Variants in DPYD observed in about 807,000 individuals in gnomAD.
DPYD encodes the protein dihydropyrimidine dehydrogenase.
DPYD carries 109 observed loss-of-function variants against 116.2 expected under a neutral mutation model. The ratio of observed to expected loss-of-function variants is 0.94; its 90% CI spans 0.80 to 1.10. DPYD has a LOEUF of 1.10. Among genes scored for constraint, DPYD ranks in the 50% least tolerant of loss-of-function variants. The pLI is 0.00. For synonymous variants in DPYD, 440 were observed against 432.0 expected, an observed-to-expected ratio of 1.02 and a Z score of -0.23; for missense variants, 1,302 against 1,254.5, an observed-to-expected ratio of 1.04 and a Z score of -0.57.
At chr1:97,406,965 T>G (rs953030671) in intron 14 of DPYD, among the ~76,000 whole-genome samples, 4 of 152,172 alleles carry the variant, frequency 2.6e-5, no homozygotes, top group African/African-American at 7.2e-5. Flanking sequence ...CATGATATAG[T>G]ACCTGCAAGG....
At chr1:97,724,953 A>AGAGAGAG (rs1663152036) in intron 4 of DPYD, among the ~76,000 whole-genome samples, 1 of 118,826 alleles carries the variant, frequency 8.4e-6, no homozygotes, top group Non-Finnish European at 1.7e-5. Flanking sequence ...GAGGGAAGGA[A>AGAGAGAG]AGAGAGAGAG....
At chr1:97,419,628 G>A (rs758329809) in intron 14 of DPYD, among the ~76,000 whole-genome samples, 4 of 152,058 alleles carry the variant, frequency 2.6e-5, no homozygotes, top group African/African-American at 7.2e-5. Context: ...TTCCACATAT[G>A]TGAACACTAT....
chr1:97,675,675 G>A (rs1188440257), intron 8 of DPYD, among the ~76,000 whole-genome samples: 6 of 151,824 alleles, frequency 4.0e-5, no homozygotes, highest in East Asian at 1.9e-4. Context: ...ACAATCTAAC[G>A]TAGAATAAGA....
chr1:97,150,689 G>A (rs1654948869), intron 20 of DPYD, among the ~76,000 whole-genome samples: 1 of 152,142 alleles, frequency 6.6e-6, no homozygotes, highest in African/African-American at 2.4e-5. Context: ...CTGCTTTCAT[G>A]ACTTCTGGAT....
intron 6 of DPYD, among the ~76,000 whole-genome samples, chr1:97,695,926 T>C (rs1337486985): frequency 6.6e-6 from 1 of 151,760 alleles, no homozygotes; most frequent in East Asian, 1.9e-4. Flanking sequence ...GGTCAGGAGT[T>C]CAAAACCAGC....
At chr1:97,890,589 A>AG (rs1455690329) in intron 1 of DPYD, among the ~76,000 whole-genome samples, 2 of 152,062 alleles carry the variant, frequency 1.3e-5, no homozygotes, top group East Asian at 3.9e-4. Flanking sequence ...TCATGCTTAT[A>AG]GAAAAAAAGT....
At chr1:97,393,535 C>A (rs12119381) in intron 14 of DPYD, among the ~76,000 whole-genome samples, 219 of 151,636 alleles carry the variant, frequency 1.4e-3, no homozygotes, top group African/African-American at 5.0e-3. Flanking sequence ...TGAGTGAGAA[C>A]ATGCGGTGTT....
intron 21 of DPYD, among the ~76,000 whole-genome samples, chr1:97,096,941 C>T (rs1041273552): frequency 1.3e-5 from 2 of 152,074 alleles, no homozygotes; most frequent in Non-Finnish European, 2.9e-5. Context: ...GCTTCATTCT[C>T]GAAGTCAGCG....
At chr1:97,173,498 A>G (rs1657021574) in intron 20 of DPYD, among the ~76,000 whole-genome samples, 1 of 150,726 alleles carries the variant, frequency 6.6e-6, no homozygotes, top group East Asian at 1.9e-4. Flanking sequence ...ACACGCATAT[A>G]TAAAATACAC....
At chr1:97,688,598 C>T (rs917125807) in intron 7 of DPYD, among the ~76,000 whole-genome samples, 1 of 151,852 alleles carries the variant, frequency 6.6e-6, no homozygotes, top group Non-Finnish European at 1.5e-5. Flanking sequence ...TAATAAAATG[C>T]TTAGAAGTTT....
At chr1:97,664,577 A>G (rs187530756) in intron 8 of DPYD, among the ~76,000 whole-genome samples, 50 of 152,150 alleles carry the variant, frequency 3.3e-4, no homozygotes, top group Non-Finnish European at 5.3e-4. Context: ...TTGGGTATAA[A>G]AACTATAAGT....
chr1:97,632,079 G>A lies in DPYD; in HGVS notation c.851-36913C>T, dbSNP rs536666574. ...TTACTAATATAACAGGGACTGAAAT[G>A]AAAAGAGCTGGCAATGCATTTTCCC... On this transcript the variant is annotated intron_variant, in intron 8 of 22. Transcript: ENST00000370192. Among the ~76,000 whole-genome samples, 10 of 152,160 alleles carry A rather than the reference G, an allele frequency of 6.6e-5. No individual in the cohort carries two copies. The East Asian group carries it at 9.7e-4, about 15-fold the overall frequency.
At chr1:97,218,873 G>A (rs961862227) in intron 19 of DPYD, among the ~76,000 whole-genome samples, 3 of 152,122 alleles carry the variant, frequency 2.0e-5, no homozygotes, top group African/African-American at 7.2e-5. Flanking sequence ...ATAAACATGA[G>A]TGTAGGTGTT....
intron 12 of DPYD, chr1:97,546,326 A>G (rs2102071401): frequency 7.0e-7 from 1 of 1,431,574 alleles, no homozygotes; most frequent in East Asian, 2.3e-5. Context: ...CAACAGAAAC[A>G]AAAGCTGGCA....
chr1:97,300,052 A>C (rs1666768383), intron 18 of DPYD, among the ~76,000 whole-genome samples: 5 of 152,142 alleles, frequency 3.3e-5, no homozygotes, highest in Admixed American at 3.3e-4. Context: ...TGAAATGCCT[A>C]CTTTTGACTG....
intron 20 of DPYD, among the ~76,000 whole-genome samples, chr1:97,132,600 T>C (rs987631312): frequency 6.6e-6 from 1 of 152,170 alleles, no homozygotes; most frequent in African/African-American, 2.4e-5. Context: ...AATTCTATCA[T>C]AAATTCTATC....
chr1:97,834,357 T>C (rs1398577678), intron 2 of DPYD, among the ~76,000 whole-genome samples: 1 of 151,532 alleles, frequency 6.6e-6, no homozygotes, highest in Non-Finnish European at 1.5e-5. Flanking sequence ...GTTTAAAACC[T>C]TTTTTTTAAC....
At chr1:97,400,538 T>C (rs996317031) in intron 14 of DPYD, among the ~76,000 whole-genome samples, 4 of 152,218 alleles carry the variant, frequency 2.6e-5, no homozygotes, top group Non-Finnish European at 5.9e-5. Flanking sequence ...CAGCTCCTTC[T>C]TGCACCTCTG....
Position 97,256,177 on chromosome 1 carries a change from GC to G in DPYD, c.2300-21184del, listed in dbSNP as rs1353391292. Among the ~76,000 whole-genome samples the G allele has an allele frequency of 3.3e-5, 5 of 152,128 alleles. No homozygotes were observed. In the East Asian group the frequency reaches 9.7e-4, roughly 29 times the overall value. ...ATTTCCCTCCAGGATGTCTTTTATT[GC>G]CCGCTAATAAAAGCGCTAGTAAAAC... On this transcript the variant is annotated intron_variant, in intron 18 of 22. Transcript: ENST00000370192.
Sources: allele counts gnomAD v4.1 joint callset (sites outside exome capture counted in the v4.1 genomes callset), GRCh38; gene constraint gnomAD v4.1.1; transcripts MANE v1.5; gene names NCBI Gene and HGNC (gene_info 2026-07-23, HGNC 2026-07-21).